TMEM39A: variants seen among roughly 807,000 people sequenced by gnomAD.
TMEM39A encodes the protein transmembrane protein 39A.
A neutral mutation model predicts 51.9 loss-of-function variants in TMEM39A; 19 were observed. The observed-to-expected ratio is 0.37, with a 90% confidence interval of 0.26 to 0.54. The LOEUF (loss-of-function observed/expected upper bound fraction) is 0.54. Among genes scored for constraint, TMEM39A ranks in the 20% least tolerant of loss-of-function variants. The pLI, the probability that TMEM39A is intolerant of heterozygous loss-of-function variation, is 0.88. For missense variants in TMEM39A, 433 were observed against 590.5 expected (o/e 0.73, Z 2.76); for synonymous variants, 197 against 220.2 (o/e 0.89, Z 0.93).
At chr3:119,462,633 A>AGGGGGGGGGGG (rs1200172060) in intron 1 of TMEM39A, among the ~76,000 whole-genome samples, 2 of 2,262 alleles carry the variant, frequency 8.8e-4, no homozygotes, top group African/African-American at 2.5e-3. Context: ...TGTTTCTTCA[A>AGGGGGGGGGGG]GGGGGGGGGG....
At chr3:119,432,260 A>G (rs1170907875) in intron 8 of TMEM39A, 46 bp from the exon 9 acceptor site, 1 of 1,359,440 alleles carries the variant, frequency 7.4e-7, no homozygotes, top group East Asian at 2.4e-5. Context: ...TAGAAAAGTA[A>G]TGGCTACAGT....
chr3:119,429,978 TGA>T lies in TMEM39A; in HGVS notation c.*2001_*2002del, dbSNP rs1043911709. 2.6e-5 allele frequency: 4 copies of T among 152,112 alleles called. No individual in the cohort carries two copies. The East Asian group carries it at 5.8e-4, about 22-fold the overall frequency. The allele number at this position is 152,112 out of a possible 1,614,324, so 9.4% of individuals were successfully genotyped here. A position where few individuals can be genotyped will look rare whatever the true frequency, so the allele number is the denominator to read the frequency against. On this transcript the variant is annotated 3_prime_UTR_variant, in exon 9 of 9. Transcript: ENST00000319172. ...TGGAGCCAAGTTGGGGCAATTTTGATGAGATATCTCTGTGCCCATGCCACCCA... is the reference window on the plus strand; with the variant it reads ...TGGAGCCAAGTTGGGGCAATTTTGATGATATCTCTGTGCCCATGCCACCCA...
At chr3:119,450,589 A>G (rs1173170771) in intron 4 of TMEM39A, among the ~76,000 whole-genome samples, 1 of 152,178 alleles carries the variant, frequency 6.6e-6, no homozygotes, top group African/African-American at 2.4e-5. Flanking sequence ...TGGGAGGCCA[A>G]GGTGGGTGGA....
At chr3:119,455,547 C>A (rs546296710) in intron 3 of TMEM39A, among the ~76,000 whole-genome samples, 1 of 152,162 alleles carries the variant, frequency 6.6e-6, no homozygotes, top group Non-Finnish European at 1.5e-5. Flanking sequence ...CCACAGGCAT[C>A]ATATAAAACT....
chr3:119,461,964 G>A lies in TMEM39A; in HGVS notation c.111C>T (p.Asn37=). The change falls in exon 2 of 9, where the codon AAC becomes AAT. Residue 37 remains asparagine, a splice_region_variant and synonymous_variant. Transcript: ENST00000319172. ...ATATAGCCTTATTTTTTCTTTACCT[G>A]TTTCTCAAGCCTGTTCCATTGCCAC... ...GGCGNGTGLR[N]RNGSAIGLPV... 1.9e-6 allele frequency: 3 copies of A among 1,611,752 alleles called. No homozygotes were observed. The highest frequency in any genetic ancestry group is 1.7e-6 in the Non-Finnish European group (2 of 1,179,034).
At chr3:119,450,826 CAAAAAA>C (rs60326718) in intron 4 of TMEM39A, among the ~76,000 whole-genome samples, 18 of 55,898 alleles carry the variant, frequency 3.2e-4, no homozygotes, top group Admixed American at 1.8e-3. Flanking sequence ...GACTCCATCT[CAAAAAA>C]AAAAAAAAAA....
chr3:119,437,994 A>C lies in TMEM39A; in HGVS notation c.685T>G (p.Ser229Ala). 6.2e-7 allele frequency: 1 copy of C among 1,614,192 alleles called. No homozygotes were observed. Among genetic ancestry groups the C allele is most frequent in the Non-Finnish European group, 8.5e-7 (1 of 1,180,028 alleles). ...VQHEAVEESASTVGGLAKSKD... is the reference protein window; with the variant it reads ...VQHEAVEESAATVGGLAKSKD... ...GATTTGGCCAAGCCTCCCACAGTCGAGGCACTTTCCTCTACTGCCTCGTGC... is the reference window on the plus strand; with the variant it reads ...GATTTGGCCAAGCCTCCCACAGTCGCGGCACTTTCCTCTACTGCCTCGTGC... The change falls in exon 6 of 9, where the codon TCG (serine) becomes GCG (alanine). Residue 229 changes from serine (S) to alanine (A), a missense_variant. This residue lies in a region of TMEM39A where 223 missense variants were observed against 328.1 expected (regional missense o/e 0.68). Transcript: ENST00000319172.
intron 3 of TMEM39A, among the ~76,000 whole-genome samples, chr3:119,457,379 A>G (rs1230057874): frequency 1.3e-5 from 2 of 152,168 alleles, no homozygotes; most frequent in African/African-American, 4.8e-5. Context: ...CAATTTCCCA[A>G]TTTGATTTAA....
At chr3:119,432,439 T>C (rs2080913635) in intron 8 of TMEM39A, among the ~76,000 whole-genome samples, 1 of 152,072 alleles carries the variant, frequency 6.6e-6, no homozygotes, top group Non-Finnish European at 1.5e-5. Context: ...TCAATGCCCC[T>C]GAGACACGAA....
chr3:119,442,641 A>G (rs2081070172), intron 5 of TMEM39A, among the ~76,000 whole-genome samples: 1 of 152,234 alleles, frequency 6.6e-6, no homozygotes, highest in East Asian at 1.9e-4. Flanking sequence ...GGAGGTCAAA[A>G]TATCAACACG....
intron 1 of TMEM39A, 76 bp from the exon 2 acceptor site, chr3:119,462,224 G>T: frequency 1.7e-6 from 1 of 599,250 alleles, no homozygotes; most frequent in Non-Finnish European, 3.0e-6. Flanking sequence ...CAAACACTGA[G>T]TAAGCAGGCC....
At position 119,441,468 on chromosome 3, in the gene TMEM39A, A is replaced by G. The variant is rs371470388; in HGVS notation, c.576-3365T>C. On this transcript the variant is annotated intron_variant, in intron 5 of 8. Coordinates refer to ENST00000319172, the MANE Select transcript of TMEM39A (RefSeq NM_018266.3). ...TCGACCAGCCACGACATTGCCCTAAACCAAAGCCTAATCCAGAGCAAAGCC... is the reference window on the plus strand; with the variant it reads ...TCGACCAGCCACGACATTGCCCTAAGCCAAAGCCTAATCCAGAGCAAAGCC... Among the ~76,000 whole-genome samples, 98 of 152,336 alleles carry G rather than the reference A, an allele frequency of 6.4e-4. 1 individual carries two copies. The South Asian group carries it at 0.02, about 31-fold the overall frequency.
intron 5 of TMEM39A, among the ~76,000 whole-genome samples, chr3:119,442,938 C>A (rs2081074532): frequency 6.6e-6 from 1 of 151,890 alleles, no homozygotes; most frequent in South Asian, 2.1e-4. Flanking sequence ...TGGTGGCACA[C>A]ACCTGTAGTC....
chr3:119,462,604 G>A (rs1396703684), intron 1 of TMEM39A, among the ~76,000 whole-genome samples: 5 of 127,932 alleles, frequency 3.9e-5, no homozygotes, highest in Non-Finnish European at 8.0e-5. Context: ...GTTAACTTCT[G>A]AGTGTGTTCT....
intron 5 of TMEM39A, among the ~76,000 whole-genome samples, chr3:119,442,882 A>G (rs991718440): frequency 3.3e-5 from 5 of 152,068 alleles, no homozygotes; most frequent in Non-Finnish European, 7.4e-5. Flanking sequence ...CAACATAGCA[A>G]AACCCCACCT....
At chr3:119,437,151 C>T (rs140953368) in intron 6 of TMEM39A, among the ~76,000 whole-genome samples, 173 bp from the exon 7 acceptor site, 4 of 152,284 alleles carry the variant, frequency 2.6e-5, no homozygotes, top group Non-Finnish European at 5.9e-5. Context: ...ATCCTTCAAC[C>T]TGACTTTCTG....
At position 119,429,207 on chromosome 3, in the gene TMEM39A, T is replaced by C. The variant is rs1488622836; in HGVS notation, c.*2774A>G. 6.6e-6 allele frequency among the ~76,000 whole-genome samples: 1 copy of C among 151,206 alleles called. No homozygotes were observed. On this transcript the variant is annotated 3_prime_UTR_variant, in exon 9 of 9. Transcript: ENST00000319172. Reference sequence around the variant, plus strand: ...AGCTTAATAGAAATAAAAAAATTAATTAAAAAAAAGAGAGAGAAACGGCAC... The same window carrying C: ...AGCTTAATAGAAATAAAAAAATTAACTAAAAAAAAGAGAGAGAAACGGCAC...
At chr3:119,447,497 C>G (rs2081143751) in intron 4 of TMEM39A, among the ~76,000 whole-genome samples, 1 of 152,156 alleles carries the variant, frequency 6.6e-6, no homozygotes, top group South Asian at 2.1e-4. Flanking sequence ...TCAGAATGAC[C>G]TGGGCTACTA....
At chr3:119,458,263 A>T (rs1387040781) in intron 2 of TMEM39A, 23 bp from the exon 3 acceptor site, 3 of 1,599,288 alleles carry the variant, frequency 1.9e-6, no homozygotes, top group Non-Finnish European at 1.7e-6. Context: ...ACTATGGTTA[A>T]CTCAAATGGT....
Sources: allele counts gnomAD v4.1 joint callset (sites outside exome capture counted in the v4.1 genomes callset), GRCh38; gene constraint gnomAD v4.1.1; regional missense constraint gnomAD v4.1.1; transcripts MANE v1.5; gene names NCBI Gene and HGNC (gene_info 2026-07-23, HGNC 2026-07-21).